Variants in UBE2Z observed in about 807,000 individuals in gnomAD.
UBE2Z encodes ubiquitin conjugating enzyme E2 Z.
In UBE2Z, 10 loss-of-function variants were observed where a neutral mutation model predicts 32.6. The ratio of observed to expected loss-of-function variants is 0.31; its 90% confidence interval spans 0.19 to 0.52. The LOEUF (loss-of-function observed/expected upper bound fraction) is 0.52. Ranked by LOEUF, UBE2Z falls within the 20% of genes least tolerant of loss-of-function variation. UBE2Z has a pLI of 0.97. For synonymous variants in UBE2Z, 183 were observed against 190.8 expected, an observed-to-expected ratio of 0.96 and a Z score of 0.34; for missense variants, 343 against 480.9, an observed-to-expected ratio of 0.71 and a Z score of 2.68.
intron 5 of UBE2Z, among the ~76,000 whole-genome samples, chr17:48,922,418 T>G (rs2040766468): frequency 6.6e-6 from 1 of 151,974 alleles, no homozygotes; most frequent in South Asian, 2.1e-4. Flanking sequence ...AATGAAAAGA[T>G]CTTTGTAGAA....
At chr17:48,926,315 CAT>C (rs1242395374) in intron 6 of UBE2Z, among the ~76,000 whole-genome samples, 2 of 152,212 alleles carry the variant, frequency 1.3e-5, no homozygotes, top group African/African-American at 2.4e-5. Context: ...TAATTAAAAA[CAT>C]AGGCATACTT....
chr17:48,926,873 A>G lies in UBE2Z; in HGVS notation c.895-91A>G. The G allele has an allele frequency of 6.5e-6, 9 of 1,387,966 alleles. No homozygotes were observed. In the Middle Eastern group the frequency reaches 1.8e-3, roughly 282 times the overall value. The allele number at this position is 1,387,966 out of a possible 1,614,324, so 86.0% of individuals were successfully genotyped here. On this transcript the variant is annotated intron_variant, in intron 6 of 6. Coordinates refer to ENST00000360943, the MANE Select transcript of UBE2Z (RefSeq NM_023079.5). ...TCCTGCTCCCATGGCTCAGAAGTTG[A>G]GCTTTCATTTCACATGGGCCCGAAG...
Position 48,927,057 on chromosome 17 carries a change from A to C in UBE2Z, c.988A>C (p.Asn330His). ...TCAGAAAGTGCTGGAGAGGCTCCAT[A>C]ATGAGAATGCAGAAATGGACTCTGA... ...IRQKVLERLH[N>H]ENAEMDSDSS... Residue 330 changes from asparagine (N) to histidine (H), a missense_variant, in exon 7 of 7, where the codon AAT (asparagine) becomes CAT (histidine). Asn to His is a moderately conservative substitution (Grantham distance 68). Transcript: ENST00000360943. 6.2e-7 allele frequency: 1 copy of C among 1,613,914 alleles called. No homozygotes were observed. The highest frequency in any genetic ancestry group is 1.1e-5 in the South Asian group (1 of 91,072).
intron 4 of UBE2Z, among the ~76,000 whole-genome samples, chr17:48,916,840 A>G (rs958226953): frequency 6.6e-6 from 1 of 151,556 alleles, no homozygotes; most frequent in Non-Finnish European, 1.5e-5. Flanking sequence ...TTAACTGGTC[A>G]GAAGTTTGAG....
chr17:48,916,273 T>TTTTTTATTATCCTTTTGTGTGCAGATGTG, intron 4 of UBE2Z, 86 bp downstream of exon 4: 1 of 608,838 alleles, frequency 1.6e-6, no homozygotes, highest in Non-Finnish European at 2.5e-6. Flanking sequence ...TTTTTTTTTT[T>TTTTTTATTATCCTTTTGTGTGCAGATGTG]GAGACAGAGT....
At chr17:48,917,499 C>T (rs2040729088) in intron 4 of UBE2Z, among the ~76,000 whole-genome samples, 1 of 152,102 alleles carries the variant, frequency 6.6e-6, no homozygotes, top group Non-Finnish European at 1.5e-5. Context: ...GTAGGGACTA[C>T]TACCCAGCCA....
At chr17:48,920,315 T>G (rs2040750313) in intron 4 of UBE2Z, among the ~76,000 whole-genome samples, 1 of 151,950 alleles carries the variant, frequency 6.6e-6, no homozygotes. Flanking sequence ...GCCAACGTGG[T>G]GAAACACTGT....
At chr17:48,911,126 C>T (rs765474165) in intron 2 of UBE2Z, 13 of 498,052 alleles carry the variant, frequency 2.6e-5, no homozygotes, top group South Asian at 2.7e-5. Flanking sequence ...TGTCTGTTGT[C>T]GCAGCTTGAC....
chr17:48,919,831 T>C (rs2040746726), intron 4 of UBE2Z, among the ~76,000 whole-genome samples: 2 of 152,200 alleles, frequency 1.3e-5, no homozygotes, highest in East Asian at 1.9e-4. Context: ...TAGAGACATA[T>C]AACAGGTAAA....
intron 3 of UBE2Z, among the ~76,000 whole-genome samples, chr17:48,914,748 G>T (rs754423368): frequency 3.9e-5 from 6 of 152,124 alleles, no homozygotes; most frequent in Non-Finnish European, 5.9e-5. Context: ...ATTTCAGCCG[G>T]GTGCGGTGGC....
In UBE2Z at chr17:48,908,431, C is replaced by A; in HGVS notation, c.-73C>A. 8.5e-7 allele frequency: 1 copy of A among 1,181,632 alleles called. No individual in the cohort carries two copies. The highest frequency in any genetic ancestry group is 1.1e-6 in the Non-Finnish European group (1 of 946,984). The allele number at this position is 1,181,632 out of a possible 1,614,324, so 73.2% of individuals were successfully genotyped here. On this transcript the variant is annotated 5_prime_UTR_variant, in exon 1 of 7. Coordinates refer to ENST00000360943, the MANE Select transcript of UBE2Z (RefSeq NM_023079.5). The stretch of plus-strand genomic sequence containing the variant: ...CACTCTGGCCCGGTTCTCGGTGGTG[C>A]GGGAGCGGGCGGGAGCAGCGGCCGC...
At chr17:48,920,214 GC>G (rs926089698) in intron 4 of UBE2Z, among the ~76,000 whole-genome samples, 2 of 152,082 alleles carry the variant, frequency 1.3e-5, no homozygotes, top group Admixed American at 6.5e-5. Flanking sequence ...TAAAAGACAA[GC>G]CGGGTGCGGT....
intron 1 of UBE2Z, among the ~76,000 whole-genome samples, chr17:48,909,713 C>T (rs948197180): frequency 8.5e-5 from 13 of 152,162 alleles, no homozygotes; most frequent in Middle Eastern, 3.4e-3. Flanking sequence ...AGAATAGTAC[C>T]TATCGCATAA....
chr17:48,914,524 C>G (rs2040705465), intron 3 of UBE2Z, among the ~76,000 whole-genome samples: 1 of 152,110 alleles, frequency 6.6e-6, no homozygotes, highest in Non-Finnish European at 1.5e-5. Flanking sequence ...AGGCTAAAAC[C>G]CATGATGATA....
intron 1 of UBE2Z, among the ~76,000 whole-genome samples, chr17:48,909,240 C>A (rs1330723657): frequency 6.6e-6 from 1 of 151,588 alleles, no homozygotes; most frequent in Admixed American, 6.6e-5. Flanking sequence ...CCCATCGGTC[C>A]CCTCTCTTCT....
Position 48,908,556 on chromosome 17 carries a change from G to T in UBE2Z, c.53G>T (p.Gly18Val). 1.6e-6 allele frequency: 2 copies of T among 1,237,696 alleles called. No homozygotes were observed. The highest frequency in any genetic ancestry group is 2.0e-6 in the Non-Finnish European group (2 of 988,910). The allele number at this position is 1,237,696 out of a possible 1,614,324, so 76.7% of individuals were successfully genotyped here. A position where few individuals can be genotyped will look rare whatever the true frequency, so the allele number is the denominator to read the frequency against. The change falls in exon 1 of 7, where the codon GGC becomes GTC. Residue 18 changes from glycine (G) to valine (V), a missense_variant. Physicochemically the swap from Gly to Val is moderately radical, Grantham distance 109. Coordinates refer to ENST00000360943, the MANE Select transcript of UBE2Z (RefSeq NM_023079.5). ...GCAACGGCGGGCGCCGGGGCGGCGG[G>T]CCCCGGGGCGAGCAGCGTTGCTGGT... The part of the protein sequence containing the change: ...EAATAGAGAA[G>V]PGASSVAGVV...
intron 3 of UBE2Z, 27 bp downstream of exon 3, chr17:48,913,048 G>A (rs2040691593): frequency 6.2e-7 from 1 of 1,607,004 alleles, no homozygotes; most frequent in African/African-American, 1.3e-5. Flanking sequence ...AAGTAGCCAA[G>A]TCGGTTGTTA....
intron 2 of UBE2Z, 50 bp from the exon 3 acceptor site, chr17:48,912,784 T>C (rs1400363872): frequency 1.2e-6 from 2 of 1,603,524 alleles, no homozygotes; most frequent in Admixed American, 1.7e-5. Context: ...CCAGGAGGGC[T>C]TGGGGTGGGT....
chr17:48,915,890 A>C, intron 3 of UBE2Z, 186 bp from the exon 4 acceptor site: 2 of 271,760 alleles, frequency 7.4e-6, no homozygotes, highest in Non-Finnish European at 6.6e-6. Flanking sequence ...TTTGAGGATT[A>C]GGCAATTGAC....
Sources: gnomAD v4.1 joint callset for allele counts (sites outside exome capture counted in the v4.1 genomes callset) on GRCh38, gnomAD v4.1.1 for gene constraint, MANE v1.5 for transcripts, NCBI Gene and HGNC (gene_info 2026-07-23, HGNC 2026-07-21) for gene names.